Variants in RALY observed in about 807,000 individuals in gnomAD.
RALY encodes the protein RALY heterogeneous nuclear ribonucleoprotein, also known as RNA-binding protein Raly.
In RALY, 15 loss-of-function variants were observed where a neutral mutation model predicts 30.7. The observed-to-expected ratio is 0.49, with a 90% CI of 0.33 to 0.75. The LOEUF is 0.75. Ranked by LOEUF, RALY falls within the 30% of genes least tolerant of loss-of-function variation. The pLI is 0.02. For missense variants in RALY, 339 were observed against 414.3 expected, an observed-to-expected ratio of 0.82 and a Z score of 1.58; for synonymous variants, 177 against 170.8, an observed-to-expected ratio of 1.04 and a Z score of -0.28.
chr20:34,001,335 C>T (rs8121978), intron 1 of RALY, among the ~76,000 whole-genome samples: 3,688 of 152,286 alleles, frequency 0.024, 70 homozygotes, highest in Non-Finnish European at 0.038. Context: ...ACTTGCATTT[C>T]CTAAGAGCTT....
rs940297770 is a variant in RALY at position 34,071,937 on chromosome 20, G to A, written c.-9-129G>A. 76 of 1,047,702 alleles carry A rather than the reference G, an allele frequency of 7.3e-5. 1 individual carries two copies. In the East Asian group the frequency reaches 1.8e-3, roughly 24 times the overall value. The allele number at this position is 1,047,702 out of a possible 1,614,324, so 64.9% of individuals were successfully genotyped here. ...AATATGACAAGAAAACAAGATGCAGGAACAGGTAGGCTGGATGCTATAAGG... is the reference window on the plus strand; with the variant it reads ...AATATGACAAGAAAACAAGATGCAGAAACAGGTAGGCTGGATGCTATAAGG... On this transcript the variant is annotated intron_variant, in intron 2 of 9. Transcript: ENST00000246194.
At chr20:34,047,403 A>G (rs1018044818) in intron 2 of RALY, among the ~76,000 whole-genome samples, 3 of 152,284 alleles carry the variant, frequency 2.0e-5, no homozygotes, top group East Asian at 1.9e-4. Flanking sequence ...TGCTTGGATT[A>G]TCTTCTAGGG....
At chr20:34,029,067 G>A (rs982510427) in intron 1 of RALY, among the ~76,000 whole-genome samples, 15 of 152,130 alleles carry the variant, frequency 9.9e-5, no homozygotes, top group African/African-American at 3.4e-4. Context: ...AGAGACCAGG[G>A]AAGAGACTCC....
intron 1 of RALY, among the ~76,000 whole-genome samples, chr20:34,016,157 C>T (rs906081567): frequency 1.3e-5 from 2 of 152,250 alleles, no homozygotes; most frequent in African/African-American, 4.8e-5. Flanking sequence ...CAGCATCCTC[C>T]ACATTTCTTT....
In RALY at chr20:34,050,128, CAACT is replaced by C. The variant is rs1440891409; in HGVS notation, c.-10+18525_-10+18528del. On this transcript the variant is annotated intron_variant, in intron 2 of 9. Coordinates refer to ENST00000246194, the MANE Select transcript of RALY (RefSeq NM_016732.3). ...CCACTACTTCATTGGCTACTCATAG[CAACT>C]TGTGGGGTAGACAAAGTGCACTTTA... Among the ~76,000 whole-genome samples, 3 of 152,264 alleles carry C rather than the reference CAACT, an allele frequency of 2.0e-5. No homozygotes were observed. The East Asian group carries it at 5.8e-4, about 29-fold the overall frequency.
intron 2 of RALY, among the ~76,000 whole-genome samples, chr20:34,035,172 A>C (rs1180527615): frequency 2.1e-5 from 3 of 144,054 alleles, no homozygotes; most frequent in East Asian, 1.9e-4. Context: ...AAAAAAAAAA[A>C]AAAAAAAAAA....
chr20:34,054,724 G>A (rs938283751), intron 2 of RALY, among the ~76,000 whole-genome samples: 1 of 152,162 alleles, frequency 6.6e-6, no homozygotes, highest in Non-Finnish European at 1.5e-5. Flanking sequence ...TACTTGGGGG[G>A]CTGAGGCACA....
At chr20:34,025,317 T>C (rs2123069432) in intron 1 of RALY, among the ~76,000 whole-genome samples, 1 of 151,992 alleles carries the variant, frequency 6.6e-6, no homozygotes, top group South Asian at 2.1e-4. Flanking sequence ...CTCTTTTTTT[T>C]TTTTAAGACA....
At chr20:34,024,945 G>C (rs542540407) in intron 1 of RALY, among the ~76,000 whole-genome samples, 3 of 152,186 alleles carry the variant, frequency 2.0e-5, no homozygotes, top group Non-Finnish European at 4.4e-5. Flanking sequence ...CTTACAGAAG[G>C]GTTGAGGCAG....
chr20:34,058,583 G>A (rs190100481), intron 2 of RALY, among the ~76,000 whole-genome samples: 5 of 152,320 alleles, frequency 3.3e-5, no homozygotes, highest in Non-Finnish European at 7.3e-5. Flanking sequence ...CCCTTCGGAA[G>A]AACCCATTTC....
chr20:33,997,408 G>A (rs946527353), intron 1 of RALY, among the ~76,000 whole-genome samples: 2 of 152,114 alleles, frequency 1.3e-5, no homozygotes, highest in Admixed American at 6.5e-5. Flanking sequence ...GAGCCACCAC[G>A]CCAGGCTATT....
At chr20:34,038,526 G>C (rs2032583752) in intron 2 of RALY, among the ~76,000 whole-genome samples, 1 of 152,120 alleles carries the variant, frequency 6.6e-6, no homozygotes, top group South Asian at 2.1e-4. Flanking sequence ...TATTATTTGA[G>C]TCTCCACTAT....
At chr20:34,040,695 T>C (rs1242210155) in intron 2 of RALY, among the ~76,000 whole-genome samples, 1 of 152,210 alleles carries the variant, frequency 6.6e-6, no homozygotes. Flanking sequence ...GTACTTTAAA[T>C]AGATTATCTC....
At chr20:34,002,407 T>A (rs1224462644) in intron 1 of RALY, among the ~76,000 whole-genome samples, 1 of 152,210 alleles carries the variant, frequency 6.6e-6, no homozygotes, top group Non-Finnish European at 1.5e-5. Context: ...TATGTTCTTC[T>A]TATGGAAAAC....
At chr20:33,998,084 A>G (rs2030725799) in intron 1 of RALY, among the ~76,000 whole-genome samples, 1 of 152,156 alleles carries the variant, frequency 6.6e-6, no homozygotes, top group Non-Finnish European at 1.5e-5. Flanking sequence ...TTCTTTGGAT[A>G]CCTCATTTTT....
At chr20:34,049,787 A>G (rs1281583876) in intron 2 of RALY, among the ~76,000 whole-genome samples, 2 of 152,242 alleles carry the variant, frequency 1.3e-5, no homozygotes, top group Admixed American at 1.3e-4. Flanking sequence ...ATAGTTTCAC[A>G]GCTTTTGATT....
At chr20:34,008,366 G>A (rs767797049) in intron 1 of RALY, among the ~76,000 whole-genome samples, 5 of 152,282 alleles carry the variant, frequency 3.3e-5, no homozygotes, top group East Asian at 1.9e-4. Context: ...TATATTTAGC[G>A]TTGTACTGTT....
At chr20:34,024,903 A>G (rs1223909666) in intron 1 of RALY, among the ~76,000 whole-genome samples, 4 of 152,302 alleles carry the variant, frequency 2.6e-5, no homozygotes, top group Admixed American at 2.0e-4. Flanking sequence ...CTGCAAGACC[A>G]TGGGGTTTAG....
intron 2 of RALY, among the ~76,000 whole-genome samples, chr20:34,069,387 C>T (rs1430001425): frequency 1.3e-5 from 2 of 152,178 alleles, no homozygotes; most frequent in South Asian, 2.1e-4. Context: ...CACAATACCA[C>T]GAACAGCTGT....
Sources: gnomAD v4.1 joint callset for allele counts (sites outside exome capture counted in the v4.1 genomes callset) on GRCh38, gnomAD v4.1.1 for gene constraint, MANE v1.5 for transcripts, NCBI Gene and HGNC (gene_info 2026-07-23, HGNC 2026-07-21) for gene names.